The following UBR4 variants were observed in gnomAD, a reference collection of about 807,000 sequenced individuals.
UBR4 encodes the protein E3 ubiquitin-protein ligase UBR4.
Under a neutral mutation model 575.6 loss-of-function variants are expected in UBR4, and 124 were observed. The ratio of observed to expected loss-of-function variants is 0.22; its 90% CI spans 0.19 to 0.25. UBR4 has a LOEUF of 0.25. UBR4 is among the 10% of genes least tolerant of loss of function. The pLI is 1.00. For missense variants in UBR4, 4,818 were observed against 6,478.8 expected (o/e 0.74, Z 8.80); for synonymous variants, 2,455 against 2,473.7 (o/e 0.99, Z 0.22).
chr1:19,143,335 T>C (rs952773507), intron 55 of UBR4, among the ~76,000 whole-genome samples: 11 of 150,364 alleles, frequency 7.3e-5, no homozygotes, highest in African/African-American at 2.4e-4. Flanking sequence ...TAAAAGTACA[T>C]AGTGACTTTC....
intron 97 of UBR4, among the ~76,000 whole-genome samples, chr1:19,092,351 G>A (rs148454632): frequency 7.9e-5 from 12 of 152,208 alleles, no homozygotes; most frequent in African/African-American, 2.6e-4. Context: ...AAAAAACCCA[G>A]CCCTGGCCAT....
chr1:19,104,341 C>CA, intron 86 of UBR4, 84 bp from the exon 87 acceptor site: 3 of 1,517,778 alleles, frequency 2.0e-6, no homozygotes, highest in Non-Finnish European at 2.7e-6. Flanking sequence ...ATGAGCAACT[C>CA]AAAAAGCAGG....
chr1:19,120,377 G>T, intron 68 of UBR4, 29 bp from the exon 69 acceptor site: 1 of 1,605,124 alleles, frequency 6.2e-7, no homozygotes, highest in Non-Finnish European at 8.5e-7. Context: ...ACTAAGGGCT[G>T]AAGAGTAGGA....
At chr1:19,106,987 A>C (rs1201708714) in intron 81 of UBR4, 21 bp from the exon 82 acceptor site, 3 of 1,610,982 alleles carry the variant, frequency 1.9e-6, no homozygotes, top group Non-Finnish European at 2.5e-6. Flanking sequence ...CAAGTGGAGC[A>C]AGGTGAGGGC....
intron 11 of UBR4, among the ~76,000 whole-genome samples, chr1:19,187,820 T>C (rs574985536): frequency 8.5e-5 from 13 of 152,150 alleles, no homozygotes; most frequent in African/African-American, 2.9e-4. Flanking sequence ...CCCAACACTT[T>C]TGAGAGGCCG....
rs1175324690 is a variant in UBR4 at position 19,095,568 on chromosome 1, C to T, written c.13603G>A (p.Val4535Ile). The T allele has an allele frequency of 8.1e-6, 13 of 1,613,892 alleles. No homozygotes were observed. Among genetic ancestry groups the T allele is most frequent in the Admixed American group, 3.3e-5 (2 of 60,008 alleles). ...LVKLEMNTLNVMLGTLNLALV... is the reference protein window; with the variant it reads ...LVKLEMNTLNIMLGTLNLALV... ...ACCAGGTTTAGGGTCCCCAGCATGA[C>T]GTTCAAGGTGTTCATTTCCAGTTTG... Residue 4535 changes from valine (V) to isoleucine (I), a missense_variant, in exon 93 of 106, where the codon GTC becomes ATC. Coordinates refer to ENST00000375254, the MANE Select transcript of UBR4 (RefSeq NM_020765.3).
At chr1:19,114,231 G>T (rs2080223753) in intron 75 of UBR4, among the ~76,000 whole-genome samples, 161 bp from the exon 76 acceptor site, 1 of 152,064 alleles carries the variant, frequency 6.6e-6, no homozygotes, top group Non-Finnish European at 1.5e-5. Context: ...TGTGAGGTGG[G>T]TATATTATTT....
intron 21 of UBR4, 115 bp from the exon 22 acceptor site, chr1:19,174,562 A>G: frequency 7.1e-7 from 1 of 1,406,268 alleles, no homozygotes; most frequent in Non-Finnish European, 9.5e-7. Context: ...AATCATAATC[A>G]TTAATTTCTC....
intron 60 of UBR4, among the ~76,000 whole-genome samples, chr1:19,131,188 T>C (rs1013424484): frequency 3.9e-4 from 57 of 145,778 alleles, no homozygotes; most frequent in African/African-American, 1.4e-3. Flanking sequence ...GGATTACAGG[T>C]TTAAGTCATC....
chr1:19,113,592 A>C, intron 77 of UBR4, 107 bp downstream of exon 77: 2 of 1,527,506 alleles, frequency 1.3e-6, no homozygotes, highest in South Asian at 1.3e-5. Context: ...GGGCAGGGAC[A>C]ACACCAAGAC....
At chr1:19,122,777 T>C in intron 66 of UBR4, 56 bp downstream of exon 66, 3 of 1,592,414 alleles carry the variant, frequency 1.9e-6, no homozygotes, top group East Asian at 4.5e-5. Flanking sequence ...ATTACCTACT[T>C]GGCTAAGCCT....
At chr1:19,115,683 T>G (rs1189022089) in intron 73 of UBR4, 46 bp from the exon 74 acceptor site, 1 of 1,606,120 alleles carries the variant, frequency 6.2e-7, no homozygotes, top group Non-Finnish European at 8.5e-7. Flanking sequence ...TAACCCTCAG[T>G]GATAACAGTC....
In UBR4 at chr1:19,179,088, C is replaced by T. The variant is rs1340766459; in HGVS notation, c.2317G>A (p.Asp773Asn). The T allele has an allele frequency of 1.9e-6, 3 of 1,613,774 alleles. No individual in the cohort carries two copies. In the Admixed American group the frequency reaches 5.0e-5, roughly 27 times the overall value. ...IWQHKASAQG[D>N]PDVPECLKVW... The stretch of plus-strand genomic sequence containing the variant: ...TTAAGGCATTCTGGGACGTCAGGGT[C>T]ACCTTGAGCACTGGCTTTATGTTGC... The change falls in exon 18 of 106, where the codon GAC becomes AAC. Residue 773 changes from aspartate to asparagine, a missense_variant. Coordinates refer to ENST00000375254, the MANE Select transcript of UBR4 (RefSeq NM_020765.3).
chr1:19,195,809 A>C (rs2092413317), intron 8 of UBR4, among the ~76,000 whole-genome samples: 1 of 152,144 alleles, frequency 6.6e-6, no homozygotes, highest in Admixed American at 6.6e-5. Flanking sequence ...TGTTCTTCCT[A>C]AAATATAGCT....
intron 81 of UBR4, 55 bp from the exon 82 acceptor site, chr1:19,107,021 A>T: frequency 6.3e-7 from 1 of 1,597,392 alleles, no homozygotes; most frequent in Non-Finnish European, 8.5e-7. Flanking sequence ...CCTGAGCCAT[A>T]GCCCCAACAG....
intron 104 of UBR4, 72 bp downstream of exon 104, chr1:19,077,904 A>T (rs1205254726): frequency 6.2e-7 from 1 of 1,611,310 alleles, no homozygotes; most frequent in Non-Finnish European, 8.5e-7. Context: ...GTGCTGAGGC[A>T]GAGTCAGGGA....
Position 19,169,489 on chromosome 1 carries a change from C to A in UBR4, c.3687G>T (p.Val1229=), listed in dbSNP as rs753606079. 6.2e-7 allele frequency: 1 copy of A among 1,613,976 alleles called. No individual in the cohort carries two copies. The highest frequency in any genetic ancestry group is 2.2e-5 in the East Asian group (1 of 44,862). The change falls in exon 27 of 106, where the codon GTG becomes GTT. Residue 1229 remains valine, a synonymous_variant. Transcript: ENST00000375254. ...TATTGATGTTGTTCCAGGACTCACA[C>A]ACAGTCTGCACTGACGATGGCAAAT... ...VQNLPSSVQT[V]CESWNNINTN...
chr1:19,143,843 T>A, intron 55 of UBR4, 137 bp downstream of exon 55: 1 of 641,124 alleles, frequency 1.6e-6, no homozygotes, highest in Non-Finnish European at 2.7e-6. Context: ...TGGGGTGAGG[T>A]AGGATTAGAA....
chr1:19,185,791 C>T (rs938163804), intron 14 of UBR4, among the ~76,000 whole-genome samples: 10 of 151,968 alleles, frequency 6.6e-5, no homozygotes, highest in Non-Finnish European at 1.0e-4. Flanking sequence ...AGGCTGGTCT[C>T]GAACTCCTGA....
Sources: allele counts gnomAD v4.1 joint callset (sites outside exome capture counted in the v4.1 genomes callset), GRCh38; gene constraint gnomAD v4.1.1; transcripts MANE v1.5; gene names NCBI Gene and HGNC (gene_info 2026-07-23, HGNC 2026-07-21).